Variants in GAB3 observed in about 807,000 individuals in gnomAD.
The protein encoded by GAB3 is GRB2-associated-binding protein 3.
In GAB3, 12 loss-of-function variants were observed where a neutral mutation model predicts 40.4. That is an observed-to-expected ratio of 0.30 (90% CI 0.19 to 0.48). The LOEUF (loss-of-function observed/expected upper bound fraction) is 0.48, where lower values mean the gene tolerates loss of function less well. Among genes scored for constraint, GAB3 ranks in the 20% least tolerant of loss-of-function variants. The pLI, the probability that GAB3 is intolerant of heterozygous loss-of-function variation, is 0.99. For synonymous variants in GAB3, 154 were observed against 176.7 expected (o/e 0.87, Z 1.02); for missense variants, 381 against 461.9 (o/e 0.82, Z 1.61).
chrX:154,701,876 T>C (rs1557252341), intron 4 of GAB3, among the ~76,000 whole-genome samples: 1 of 111,424 alleles, frequency 9.0e-6, no homozygotes, highest in Admixed American at 9.5e-5. Flanking sequence ...CACCAAAAAA[T>C]AGAAAAATAT....
intron 1 of GAB3, among the ~76,000 whole-genome samples, chrX:154,749,394 A>C (rs2071577544): frequency 8.9e-6 from 1 of 112,901 alleles, no homozygotes. Flanking sequence ...GTCATTCCAA[A>C]GGACAACAAG....
chrX:154,690,543 T>C (rs2070542391), intron 8 of GAB3, among the ~76,000 whole-genome samples: 1 of 111,843 alleles, frequency 8.9e-6, no homozygotes, highest in African/African-American at 3.3e-5. Context: ...ATATCCAGAA[T>C]CTACAAAGAA....
intron 1 of GAB3, among the ~76,000 whole-genome samples, chrX:154,725,131 C>T (rs1428331210): frequency 1.8e-5 from 2 of 111,507 alleles, no homozygotes; most frequent in Non-Finnish European, 3.8e-5. Context: ...CACATCCTTC[C>T]CTCACAGCCT....
intron 1 of GAB3, among the ~76,000 whole-genome samples, chrX:154,723,322 T>C (rs1433852098): frequency 1.8e-5 from 2 of 112,272 alleles, no homozygotes; most frequent in African/African-American, 6.5e-5. Flanking sequence ...GCTATGTTTA[T>C]CAGGGAGTTC....
chrX:154,708,003 G>A (rs946810590), intron 4 of GAB3, among the ~76,000 whole-genome samples: 121 of 111,623 alleles, frequency 1.1e-3, no homozygotes, highest in African/African-American at 3.6e-3. Flanking sequence ...TAAAATCTAC[G>A]TTGTACTGGC....
intron 1 of GAB3, among the ~76,000 whole-genome samples, chrX:154,720,584 G>A (rs1291847003): frequency 2.2e-5 from 2 of 90,230 alleles, no homozygotes; most frequent in Non-Finnish European, 4.1e-5. Flanking sequence ...CCGAGATCGC[G>A]CCACTGCACT....
intron 4 of GAB3, among the ~76,000 whole-genome samples, chrX:154,704,162 A>G (rs2070774762): frequency 9.1e-6 from 1 of 110,279 alleles, no homozygotes; most frequent in Non-Finnish European, 1.9e-5. Context: ...CAAATGTCAC[A>G]TGTCCTCACT....
At chrX:154,695,337 C>T (rs1403426819) in intron 8 of GAB3, among the ~76,000 whole-genome samples, 2 of 111,768 alleles carry the variant, frequency 1.8e-5, no homozygotes, top group Non-Finnish European at 3.8e-5. Context: ...AACATCAGGA[C>T]TCTTTAACTG....
Position 154,713,264 on chromosome X carries a change from A to G in GAB3, c.539T>C (p.Phe180Ser). ...GGACAAAACCAGATAATCTGGAAGGAAGAGAAGCTCTGACTCACTTCTGGT... is the reference window on the plus strand; with the variant it reads ...GGACAAAACCAGATAATCTGGAAGGGAGAGAAGCTCTGACTCACTTCTGGT... ...EETRSESELL[F>S]LPDYLVLSNC... Residue 180 changes from phenylalanine to serine, a missense_variant, in exon 3 of 10, where the codon TTC becomes TCC. Transcript: ENST00000424127. 8.3e-7 allele frequency: 1 copy of G among 1,211,030 alleles called. No homozygotes were observed. The highest frequency in any genetic ancestry group is 1.1e-6 in the Non-Finnish European group (1 of 895,246).
At chrX:154,694,443 G>A (rs1160081203) in intron 8 of GAB3, among the ~76,000 whole-genome samples, 3 of 109,189 alleles carry the variant, frequency 2.7e-5, no homozygotes, top group Non-Finnish European at 5.7e-5. Flanking sequence ...CTGGAGTGCA[G>A]TGGCGTTATC....
At chrX:154,746,052 C>CAAAA (rs201582710) in intron 1 of GAB3, among the ~76,000 whole-genome samples, 42 of 30,316 alleles carry the variant, frequency 1.4e-3, no homozygotes, top group East Asian at 4.3e-3. Context: ...AACTCCATCT[C>CAAAA]AAAAAAAAAA....
chrX:154,742,022 A>G (rs1557261377), intron 1 of GAB3, among the ~76,000 whole-genome samples: 1 of 112,075 alleles, frequency 8.9e-6, no homozygotes, highest in Non-Finnish European at 1.9e-5. Flanking sequence ...GAGCCAAACC[A>G]TATCTCGTGG....
chrX:154,689,698 C>A (rs1377770474), intron 8 of GAB3, among the ~76,000 whole-genome samples: 1 of 110,931 alleles, frequency 9.0e-6, no homozygotes, highest in Admixed American at 9.6e-5. Context: ...ACCTAGGAAT[C>A]CAACTTACAA....
chrX:154,711,401 AAAG>A (rs1340742494), intron 4 of GAB3, among the ~76,000 whole-genome samples: 1 of 111,871 alleles, frequency 8.9e-6, no homozygotes, highest in African/African-American at 3.3e-5. Context: ...GCAAAGCAGT[AAAG>A]AAGAGGTTAC....
At chrX:154,700,409 G>A (rs1275124270) in intron 4 of GAB3, among the ~76,000 whole-genome samples, 10 of 111,371 alleles carry the variant, frequency 9.0e-5, no homozygotes, top group Admixed American at 7.6e-4. Context: ...ACAGAGAAAC[G>A]ATTGCCTTGT....
At chrX:154,703,218 C>T (rs945996541) in intron 4 of GAB3, among the ~76,000 whole-genome samples, 10 of 112,073 alleles carry the variant, frequency 8.9e-5, no homozygotes, top group Non-Finnish European at 3.8e-5. Context: ...CATTTCAGCA[C>T]TATTCACAAT....
At chrX:154,746,490 C>T (rs782550156) in intron 1 of GAB3, among the ~76,000 whole-genome samples, 2 of 112,355 alleles carry the variant, frequency 1.8e-5, no homozygotes, top group East Asian at 5.5e-4. Flanking sequence ...AACATATCAT[C>T]ATTTTTATAG....
chrX:154,705,893 G>T (rs1285546910), intron 4 of GAB3, among the ~76,000 whole-genome samples: 3 of 111,931 alleles, frequency 2.7e-5, no homozygotes, highest in South Asian at 3.7e-4. Flanking sequence ...TAGTAAGTTT[G>T]CAGGATACAA....
chrX:154,727,380 C>T (rs782165531), intron 1 of GAB3, among the ~76,000 whole-genome samples: 66 of 112,789 alleles, frequency 5.9e-4, no homozygotes, highest in African/African-American at 2.0e-3. Context: ...GAGACCCTCT[C>T]TGATCATCCA....
Sources: allele counts gnomAD v4.1 joint callset (sites outside exome capture counted in the v4.1 genomes callset), GRCh38; gene constraint gnomAD v4.1.1; transcripts MANE v1.5; gene names NCBI Gene and HGNC (gene_info 2026-07-23, HGNC 2026-07-21).